Variants in CPQ observed in about 807,000 individuals in gnomAD.
The protein encoded by CPQ is carboxypeptidase Q.
A neutral mutation model predicts 45.7 loss-of-function variants in CPQ; 37 were observed. The observed-to-expected ratio is 0.81, with a 90% CI of 0.62 to 1.07. The LOEUF (loss-of-function observed/expected upper bound fraction) is 1.07, where lower values mean the gene tolerates loss of function less well. Among genes scored for constraint, CPQ ranks in the 50% least tolerant of loss-of-function variants. The pLI is 0.00. For synonymous variants in CPQ, 186 were observed against 205.8 expected (o/e 0.90, Z 0.82); for missense variants, 537 against 572.9 (o/e 0.94, Z 0.64).
chr8:96,735,599 T>C (rs530527506), intron 1 of CPQ, among the ~76,000 whole-genome samples: 1 of 152,352 alleles, frequency 6.6e-6, no homozygotes, highest in Admixed American at 6.5e-5. Flanking sequence ...CTGGGTCATG[T>C]CAACTGGCTG....
At chr8:96,707,922 G>A (rs572629909) in intron 1 of CPQ, among the ~76,000 whole-genome samples, 1 of 152,196 alleles carries the variant, frequency 6.6e-6, no homozygotes, top group East Asian at 1.9e-4. Flanking sequence ...GACCAGTCAA[G>A]TATTGTCATA....
At chr8:96,814,732 T>C (rs1811203429) in intron 2 of CPQ, among the ~76,000 whole-genome samples, 1 of 152,122 alleles carries the variant, frequency 6.6e-6, no homozygotes, top group African/African-American at 2.4e-5. Context: ...TGGCATCAGG[T>C]GAAGCACTGC....
At chr8:97,041,890 T>C (rs970287188) in intron 6 of CPQ, among the ~76,000 whole-genome samples, 2 of 152,262 alleles carry the variant, frequency 1.3e-5, no homozygotes, top group African/African-American at 4.8e-5. Context: ...AGTTTGCCAG[T>C]ATTTTATTGA....
At chr8:97,128,633 C>A (rs183534183) in intron 7 of CPQ, among the ~76,000 whole-genome samples, 4 of 152,136 alleles carry the variant, frequency 2.6e-5, no homozygotes, top group African/African-American at 9.6e-5. Context: ...TGCAGTGAGC[C>A]GAGATGGTGC....
chr8:97,074,259 C>G (rs1179822733), intron 7 of CPQ, among the ~76,000 whole-genome samples: 3 of 152,098 alleles, frequency 2.0e-5, no homozygotes, highest in Non-Finnish European at 4.4e-5. Flanking sequence ...ACCCACGACA[C>G]CCATTATTAC....
intron 3 of CPQ, among the ~76,000 whole-genome samples, chr8:96,840,363 A>G (rs1048100538): frequency 3.9e-4 from 59 of 152,158 alleles, no homozygotes; most frequent in African/African-American, 1.2e-3. Flanking sequence ...AATGTGGAGG[A>G]AATGGAGAAC....
At chr8:96,745,232 C>G (rs776550884) in intron 1 of CPQ, among the ~76,000 whole-genome samples, 3 of 152,024 alleles carry the variant, frequency 2.0e-5, no homozygotes, top group Non-Finnish European at 2.9e-5. Context: ...CACTTGAACC[C>G]AGGAGGTGGA....
At chr8:97,042,931 G>A (rs1396373213) in intron 6 of CPQ, among the ~76,000 whole-genome samples, 1 of 152,084 alleles carries the variant, frequency 6.6e-6, no homozygotes, top group African/African-American at 2.4e-5. Flanking sequence ...TTGAATCGGT[G>A]TGGTGTGGTG....
Position 97,121,587 on chromosome 8 carries a change from C to G in CPQ, c.1256-21433C>G, listed in dbSNP as rs538478369. ...AAAAAAGACAATCTAGACAGACACT[C>G]AACATGTAAAATTTATTATATCTAT... On this transcript the variant is annotated intron_variant, in intron 7 of 7. Coordinates refer to ENST00000220763, the MANE Select transcript of CPQ (RefSeq NM_016134.4). Among the ~76,000 whole-genome samples the G allele has an allele frequency of 9.5e-4, 145 of 152,212 alleles. 4 individuals are homozygous for G. The South Asian group carries it at 0.029, about 31-fold the overall frequency.
chr8:97,029,777 T>A (rs1809865237), intron 6 of CPQ, among the ~76,000 whole-genome samples: 1 of 152,190 alleles, frequency 6.6e-6, no homozygotes, highest in African/African-American at 2.4e-5. Flanking sequence ...CTAGTTCTGC[T>A]GTATTCATGT....
chr8:96,821,237 G>A (rs1050589294), intron 2 of CPQ, among the ~76,000 whole-genome samples: 2 of 143,788 alleles, frequency 1.4e-5, no homozygotes, highest in African/African-American at 5.2e-5. Flanking sequence ...CTCTCATTCT[G>A]TGTGTTGTCT....
At chr8:96,784,691 G>T (rs541961602) in intron 1 of CPQ, among the ~76,000 whole-genome samples, 173 bp from the exon 2 acceptor site, 123 of 152,158 alleles carry the variant, frequency 8.1e-4, no homozygotes, top group Non-Finnish European at 1.6e-3. Flanking sequence ...GAGGTCAATC[G>T]TTGCCTCTTT....
At chr8:97,118,863 A>G (rs1272530437) in intron 7 of CPQ, among the ~76,000 whole-genome samples, 1 of 152,230 alleles carries the variant, frequency 6.6e-6, no homozygotes, top group Non-Finnish European at 1.5e-5. Flanking sequence ...CATTATATAT[A>G]TACGTGTATA....
intron 6 of CPQ, among the ~76,000 whole-genome samples, chr8:97,032,200 C>T (rs1386534379): frequency 6.6e-6 from 1 of 152,140 alleles, no homozygotes; most frequent in Non-Finnish European, 1.5e-5. Context: ...ATTTCAATGA[C>T]CTAACATAAC....
chr8:97,088,749 A>G (rs903768602), intron 7 of CPQ, among the ~76,000 whole-genome samples: 8 of 152,170 alleles, frequency 5.3e-5, no homozygotes, highest in African/African-American at 1.4e-4. Context: ...AAAAAATGCT[A>G]CTTTAAGGTC....
intron 7 of CPQ, among the ~76,000 whole-genome samples, chr8:97,129,616 C>T (rs529197703): frequency 4.1e-4 from 63 of 152,224 alleles, no homozygotes; most frequent in Admixed American, 1.8e-3. Context: ...CTCTGTACCA[C>T]GCTCACAGCG....
chr8:96,871,806 A>G (rs368061675), intron 3 of CPQ, among the ~76,000 whole-genome samples: 26 of 151,994 alleles, frequency 1.7e-4, no homozygotes, highest in African/African-American at 6.0e-4. Flanking sequence ...TACGTGTCAT[A>G]GATGTCTTCT....
intron 5 of CPQ, among the ~76,000 whole-genome samples, chr8:97,013,279 C>CA (rs1173219495): frequency 6.6e-6 from 1 of 151,758 alleles, no homozygotes; most frequent in East Asian, 1.9e-4. Flanking sequence ...GACTCCATCT[C>CA]AAAAAACAAG....
At chr8:97,123,024 T>TATA (rs1811758932) in intron 7 of CPQ, among the ~76,000 whole-genome samples, 1 of 26,408 alleles carries the variant, frequency 3.8e-5, no homozygotes, top group African/African-American at 2.5e-4. Context: ...TAAAATAAAA[T>TATA]AAATAAAATA....
Sources: gnomAD v4.1 joint callset for allele counts (sites outside exome capture counted in the v4.1 genomes callset) on GRCh38, gnomAD v4.1.1 for gene constraint, MANE v1.5 for transcripts, NCBI Gene and HGNC (gene_info 2026-07-23, HGNC 2026-07-21) for gene names.